The following ENO3 variants were observed in gnomAD, a reference collection of about 807,000 sequenced individuals.
ENO3 encodes beta-enolase.
Under a neutral mutation model 47.7 loss-of-function variants are expected in ENO3, and 46 were observed. The ratio of observed to expected loss-of-function variants is 0.96; its 90% CI spans 0.76 to 1.23. The LOEUF is 1.23. Ranked by LOEUF, ENO3 falls within the 50% of genes most tolerant of loss-of-function variation. The pLI is 0.00. For synonymous variants in ENO3, 223 were observed against 225.9 expected (o/e 0.99, Z 0.11); for missense variants, 575 against 566.2 (o/e 1.02, Z -0.16).
chr17:4,949,627 G>A (rs1473354675), upstream of ENO3, among the ~76,000 whole-genome samples: 2 of 146,804 alleles, frequency 1.4e-5, no homozygotes, highest in Admixed American at 6.6e-5. Flanking sequence ...GGACGGGCGG[G>A]ACGGCCGTGC....
At chr17:4,955,346 G>A in intron 7 of ENO3, 49 bp downstream of exon 7, 1 of 1,613,992 alleles carries the variant, frequency 6.2e-7, no homozygotes, top group Non-Finnish European at 8.5e-7. Flanking sequence ...CTCCACATGG[G>A]CAGGGGAGGC....
chr17:4,952,716 CCT>C, intron 2 of ENO3, 77 bp from the exon 3 acceptor site: 2 of 1,378,238 alleles, frequency 1.5e-6, no homozygotes, highest in Non-Finnish European at 2.0e-6. Flanking sequence ...CCTGCCTAGG[CCT>C]CTCAAAGTGC....
rs1322973998 is a variant in ENO3 at position 4,952,846 on chromosome 17, C to T, written c.137C>T (p.Ala46Val). ...GGGGCTTCCACGGGTATCTATGAGG[C>T]TCTGGAACTAAGAGACGGAGACAAA... ...PSGASTGIYE[A>V]LELRDGDKGR... The change falls in exon 3 of 12, where the codon GCT (alanine) becomes GTT (valine). Residue 46 changes from alanine to valine, a missense_variant. Coordinates refer to ENST00000519602, the MANE Select transcript of ENO3 (RefSeq NM_053013.4). 4 of 1,612,456 alleles carry T rather than the reference C, an allele frequency of 2.5e-6. No homozygotes were observed. The highest frequency in any genetic ancestry group is 1.7e-5 in the Admixed American group (1 of 59,844).
Position 4,957,102 on chromosome 17 carries a change from T to G in ENO3, c.*55T>G. 1 of 1,607,782 alleles carries G rather than the reference T, an allele frequency of 6.2e-7. No individual in the cohort carries two copies. The highest frequency in any genetic ancestry group is 8.5e-7 in the Non-Finnish European group (1 of 1,175,726). ...CAGACCCAGGTCTTCCAGACCTGCT[T>G]CCTGAAATAAACACTGGTGCCAACC... On this transcript the variant is annotated 3_prime_UTR_variant, in exon 12 of 12. Coordinates refer to ENST00000519602, the MANE Select transcript of ENO3 (RefSeq NM_053013.4).
Position 4,951,820 on chromosome 17 carries a change from T to C in ENO3, c.-2-8T>C. The C allele has an allele frequency of 6.2e-7, 1 of 1,614,086 alleles. No homozygotes were observed. The highest frequency in any genetic ancestry group is 8.5e-7 in the Non-Finnish European group (1 of 1,179,944). On this transcript the variant is annotated splice_polypyrimidine_tract_variant and splice_region_variant and intron_variant, in intron 1 of 11. Transcript: ENST00000519602. ...TGTCTACACTCACTCACACCTCCTG[T>C]CCTGCAGCCATGGCCATGCAGAAAA...
rs75279666 is a variant in ENO3, at chr17:4,953,126, G to A, written c.240+17G>A. 7,792 of 1,614,096 alleles carry A rather than the reference G, an allele frequency of 4.8e-3. 279 individuals carry two copies. The African/African-American group carries it at 0.086, about 18-fold the overall frequency. ...CTGCAAAAGGCAAGTGGGGAAGCCC[G>A]CTCGCTGCAGCCTCCTCCCCATGCC... is the stretch of plus-strand genomic sequence containing the variant. On this transcript the variant is annotated intron_variant, in intron 4 of 11. Coordinates refer to ENST00000519602, the MANE Select transcript of ENO3 (RefSeq NM_053013.4).
chr17:4,949,875 C>A (rs1971490201), upstream of ENO3, among the ~76,000 whole-genome samples: 1 of 152,036 alleles, frequency 6.6e-6, no homozygotes, highest in Admixed American at 6.5e-5. Context: ...CGGGCTCGGG[C>A]GGGGCCGCAC....
rs1971651285 is a variant in ENO3 at position 4,954,380 on chromosome 17, CTCTG to C, written c.444+539_444+542del. On this transcript the variant is annotated intron_variant, in intron 6 of 11. Transcript: ENST00000519602. The stretch of plus-strand genomic sequence containing the variant: ...TGATTTTAGGCAAGTTCTTTAACTG[CTCTG>C]TCTCAGTTTCCCCATCTGTAAAATG... 2.0e-5 allele frequency among the ~76,000 whole-genome samples: 3 copies of C among 152,304 alleles called. No individual in the cohort carries two copies. In the South Asian group the frequency reaches 6.2e-4, roughly 32 times the overall value.
intron 1 of ENO3, 144 bp from the exon 2 acceptor site, chr17:4,951,684 C>G (rs976302617): frequency 1.6e-5 from 14 of 865,578 alleles, no homozygotes; most frequent in Non-Finnish European, 1.9e-5. Flanking sequence ...CTGCGCCTGC[C>G]TCTTTGGTCT....
In ENO3 at chr17:4,953,814, C is replaced by A; in HGVS notation, c.413C>A (p.Ala138Asp). 1 of 1,614,186 alleles carries A rather than the reference C, an allele frequency of 6.2e-7. No homozygotes were observed. The change falls in exon 6 of 12, where the codon GCT becomes GAT. Residue 138 changes from alanine (A) to aspartate (D), a missense_variant. Coordinates refer to ENST00000519602, the MANE Select transcript of ENO3 (RefSeq NM_053013.4). ...CTGTACCGCCACATCGCAGATCTCGCTGGGAACCCTGACCTCATACTCCCA... is the reference window on the plus strand; with the variant it reads ...CTGTACCGCCACATCGCAGATCTCGATGGGAACCCTGACCTCATACTCCCA... ...VPLYRHIADL[A>D]GNPDLILPVP...
chr17:4,953,949 A>C, intron 6 of ENO3, 104 bp downstream of exon 6: 1 of 1,556,360 alleles, frequency 6.4e-7, no homozygotes, highest in Non-Finnish European at 8.8e-7. Flanking sequence ...ACCAGCTCCT[A>C]AGAAGCAGTT....
chr17:4,950,506 GC>G (rs1206154432), upstream of ENO3: 1 of 954,010 alleles, frequency 1.0e-6, no homozygotes, highest in African/African-American at 1.8e-5. Context: ...TCAGTCGGGC[GC>G]CTTGCCAGCC....
At chr17:4,950,101 G>A (rs1971497394), upstream of ENO3, 1 of 152,040 alleles carries the variant, frequency 6.6e-6, no homozygotes, top group Non-Finnish European at 1.5e-5. Flanking sequence ...AGAGGGCGGC[G>A]GGGGTGAGTC....
chr17:4,953,331 C>T lies in ENO3; in HGVS notation c.300C>T (p.Thr100=), dbSNP rs1187647542. 53 of 1,614,004 alleles carry T rather than the reference C, an allele frequency of 3.3e-5. No homozygotes were observed. The highest frequency in any genetic ancestry group is 8.9e-5 in the East Asian group (4 of 44,894). ...VDKFMIELDG[T]ENKSKFGANA... is the part of the protein sequence containing the mutation. ...AATTTATGATTGAGCTAGATGGGAC[C>T]GAGAATAAGTGTGAGTGAAGGGCTA... The change falls in exon 5 of 12, where the codon ACC becomes ACT. Residue 100 remains threonine (T), a synonymous_variant. Transcript: ENST00000519602.
chr17:4,949,153 T>A (rs566876439), upstream of ENO3: 4 of 152,186 alleles, frequency 2.6e-5, no homozygotes, highest in Non-Finnish European at 4.4e-5. Flanking sequence ...CCGTGCGCGC[T>A]GCCGCCTCAC....
chr17:4,952,053 G>A lies in ENO3; in HGVS notation c.85+139G>A, dbSNP rs549625939. Reference sequence around the variant, plus strand: ...TCTTCCCAAGCCCCCTTCTTCCAACGTGGAACCAGAGCTGGAAGCTAGGAG... The same window carrying A: ...TCTTCCCAAGCCCCCTTCTTCCAACATGGAACCAGAGCTGGAAGCTAGGAG... On this transcript the variant is annotated intron_variant, in intron 2 of 11. Coordinates refer to ENST00000519602, the MANE Select transcript of ENO3 (RefSeq NM_053013.4). The A allele has an allele frequency of 6.6e-6, 6 of 915,368 alleles. No individual in the cohort carries two copies. In the East Asian group the frequency reaches 1.3e-4, roughly 20 times the overall value. The allele number at this position is 915,368 out of a possible 1,614,324, so 56.7% of individuals were successfully genotyped here.
rs371343210 is a variant in ENO3, at chr17:4,954,994, C to T, written c.445-81C>T. 1,447 of 1,355,020 alleles carry T rather than the reference C, an allele frequency of 1.1e-3. 16 individuals are homozygous for T. The highest frequency in any genetic ancestry group is 1.4e-3 in the Non-Finnish European group (1,322 of 977,856). 83.9% of individuals were successfully genotyped at this position (1,355,020 alleles called of 1,614,324 possible). A position where few individuals can be genotyped will look rare whatever the true frequency, so the allele number is the denominator to read the frequency against. On this transcript the variant is annotated intron_variant, in intron 6 of 11. Transcript: ENST00000519602. ...GCTAGTAAGTAGGGAAGCCAGGTTT[C>T]CACCCCAACACCCCCCGCCCCTGTC...
intron 3 of ENO3, 74 bp downstream of exon 3, chr17:4,952,964 G>T: frequency 6.2e-7 from 1 of 1,610,532 alleles, no homozygotes; most frequent in South Asian, 1.1e-5. Context: ...GTAGAGGACT[G>T]GAACCCCCAA....
At chr17:4,956,310 C>A in intron 9 of ENO3, 167 bp downstream of exon 9, 2 of 896,140 alleles carry the variant, frequency 2.2e-6, no homozygotes, top group Non-Finnish European at 3.5e-6. Flanking sequence ...GGCCTGACTC[C>A]AAGAGCTTTG....
Sources: gnomAD v4.1 joint callset for allele counts (sites outside exome capture counted in the v4.1 genomes callset) on GRCh38, gnomAD v4.1.1 for gene constraint, MANE v1.5 for transcripts, NCBI Gene and HGNC (gene_info 2026-07-23, HGNC 2026-07-21) for gene names.